The following ZNF827 variants were observed in gnomAD, a reference collection of about 807,000 sequenced individuals.
ZNF827 encodes the protein zinc finger protein 827.
In ZNF827, 13 loss-of-function variants were observed where a neutral mutation model predicts 102.4. The observed-to-expected ratio is 0.13, with a 90% CI of 0.08 to 0.20. ZNF827 has a LOEUF of 0.20. ZNF827 is among the 10% of genes least tolerant of loss of function. ZNF827 has a pLI of 1.00. For missense variants in ZNF827, 1,103 were observed against 1,344.4 expected (o/e 0.82, Z 2.81); for synonymous variants, 523 against 536.2 (o/e 0.98, Z 0.34).
chr4:145,805,237 G>C (rs1424740483), intron 8 of ZNF827, among the ~76,000 whole-genome samples: 5 of 151,778 alleles, frequency 3.3e-5, no homozygotes, highest in Non-Finnish European at 5.9e-5. Flanking sequence ...TAATGGATTT[G>C]TCTCTAAAAA....
At chr4:145,931,099 G>A (rs1753770361) in intron 1 of ZNF827, among the ~76,000 whole-genome samples, 1 of 152,050 alleles carries the variant, frequency 6.6e-6, no homozygotes, top group South Asian at 2.1e-4. Flanking sequence ...TACAGAGAGA[G>A]GACAGAAATA....
intron 8 of ZNF827, among the ~76,000 whole-genome samples, chr4:145,800,193 C>G (rs1054671127): frequency 6.6e-6 from 1 of 152,168 alleles, no homozygotes; most frequent in Non-Finnish European, 1.5e-5. Flanking sequence ...GCCACTGTTA[C>G]AATGAAATTG....
intron 4 of ZNF827, among the ~76,000 whole-genome samples, chr4:145,879,342 C>T (rs964491595): frequency 1.3e-5 from 2 of 152,190 alleles, no homozygotes; most frequent in African/African-American, 4.8e-5. Context: ...ACTGTAAGCA[C>T]ATTTGATTAA....
intron 8 of ZNF827, among the ~76,000 whole-genome samples, chr4:145,807,912 A>G (rs1031502827): frequency 1.3e-5 from 2 of 152,220 alleles, no homozygotes; most frequent in African/African-American, 4.8e-5. Context: ...TGATAAAAGT[A>G]ACAGTTGGGA....
chr4:145,843,090 A>G (rs1001169789), intron 7 of ZNF827, among the ~76,000 whole-genome samples: 2 of 152,090 alleles, frequency 1.3e-5, no homozygotes, highest in South Asian at 4.1e-4. Flanking sequence ...TGTTCCTGAT[A>G]TCAGTTAACT....
chr4:145,768,858 C>CAAA (rs1174930111), intron 11 of ZNF827, among the ~76,000 whole-genome samples: 263 of 4,540 alleles, frequency 0.058, 116 homozygotes, highest in Non-Finnish European at 0.085. Flanking sequence ...GACTCCGTCT[C>CAAA]AAAAAAAAAA....
chr4:145,893,563 T>G (rs747050437), intron 2 of ZNF827, among the ~76,000 whole-genome samples: 2 of 152,172 alleles, frequency 1.3e-5, no homozygotes, highest in Admixed American at 6.5e-5. Flanking sequence ...TTTTGTTTTC[T>G]AAAAAAGTGG....
chr4:145,772,589 G>T (rs1252269266), intron 11 of ZNF827, among the ~76,000 whole-genome samples: 1 of 152,144 alleles, frequency 6.6e-6, no homozygotes, highest in African/African-American at 2.4e-5. Context: ...CTACTTTCAA[G>T]TTTCAACAGC....
intron 8 of ZNF827, among the ~76,000 whole-genome samples, chr4:145,795,328 A>G (rs763183149): frequency 3.4e-4 from 52 of 152,182 alleles, no homozygotes; most frequent in Non-Finnish European, 6.0e-4. Context: ...TTGTATTTTT[A>G]GTAGAGATGG....
At chr4:145,802,085 G>C (rs748104081) in intron 8 of ZNF827, among the ~76,000 whole-genome samples, 55 of 152,186 alleles carry the variant, frequency 3.6e-4, no homozygotes, top group Non-Finnish European at 6.3e-4. Flanking sequence ...CTGTATCTGT[G>C]AAAGTACATA....
chr4:145,863,786 T>C (rs1445911221), intron 5 of ZNF827, among the ~76,000 whole-genome samples: 2 of 152,162 alleles, frequency 1.3e-5, no homozygotes, highest in African/African-American at 2.4e-5. Context: ...TTGGGAGCAA[T>C]GAAAATTTTC....
In ZNF827 at chr4:145,768,916, T is replaced by TATATAAAA. The variant is rs34051922; in HGVS notation, c.2861-3179_2861-3178insTTTTATAT. On this transcript the variant is annotated intron_variant, in intron 11 of 14. Coordinates refer to ENST00000508784, the MANE Select transcript of ZNF827 (RefSeq NM_001306215.2). ...ATATATATATATATATATATATATA[T>TATATAAAA]TAGGTATACAAAGTTTGGAAATAGA... 3.0e-3 allele frequency among the ~76,000 whole-genome samples: 104 copies of TATATAAAA among 34,414 alleles called. 17 individuals are homozygous for TATATAAAA. Among genetic ancestry groups the TATATAAAA allele is most frequent in the African/African-American group, 3.5e-3 (34 of 9,640 alleles). The allele number at this position is 34,414 out of a possible 152,430, so 22.6% of individuals were successfully genotyped here.
chr4:145,877,705 A>G (rs1483051725), intron 4 of ZNF827, among the ~76,000 whole-genome samples: 2 of 152,216 alleles, frequency 1.3e-5, no homozygotes, highest in Non-Finnish European at 2.9e-5. Flanking sequence ...ACAAAAAGTG[A>G]GCAGTGCCTC....
Position 145,845,980 on chromosome 4 carries a change from T to C in ZNF827, c.2255A>G (p.Glu752Gly), listed in dbSNP as rs1745892387. The change falls in exon 7 of 15, where the codon GAA becomes GGA. Residue 752 changes from glutamate to glycine, a missense_variant. Glu to Gly is a moderately conservative substitution (Grantham distance 98). Around this residue, in one of 5 missense-constraint regions of ZNF827, gnomAD observed 243 missense variants for 251.6 expected, o/e 0.97. Coordinates refer to ENST00000508784, the MANE Select transcript of ZNF827 (RefSeq NM_001306215.2). ...CCTGGTCGTGGTCCGGATGGTGTTTTCTTTTGTATGATTGTGCTCTTTGCT... is the reference window on the plus strand; with the variant it reads ...CCTGGTCGTGGTCCGGATGGTGTTTCCTTTTGTATGATTGTGCTCTTTGCT... ...KVSKEHNHTKENTIRTTTSPF... is the reference protein window; with the variant it reads ...KVSKEHNHTKGNTIRTTTSPF... The C allele has an allele frequency of 6.2e-7, 1 of 1,614,114 alleles. No individual in the cohort carries two copies. Among genetic ancestry groups the C allele is most frequent in the South Asian group, 1.1e-5 (1 of 91,090 alleles).
intron 11 of ZNF827, among the ~76,000 whole-genome samples, chr4:145,767,731 A>C (rs1029256593): frequency 6.6e-6 from 1 of 152,244 alleles, no homozygotes; most frequent in Non-Finnish European, 1.5e-5. Flanking sequence ...ACTGAAAGAT[A>C]CACTGTCAAC....
chr4:145,774,289 C>G (rs546114325), intron 11 of ZNF827, among the ~76,000 whole-genome samples: 1 of 152,256 alleles, frequency 6.6e-6, no homozygotes, highest in East Asian at 1.9e-4. Context: ...CACATCTGAA[C>G]TTGGGAGTCT....
At chr4:145,888,677 C>G (rs571795442) in intron 3 of ZNF827, among the ~76,000 whole-genome samples, 3 of 152,246 alleles carry the variant, frequency 2.0e-5, no homozygotes, top group Non-Finnish European at 4.4e-5. Context: ...AGTACCCTGA[C>G]TCTCGGTCAG....
In ZNF827 at chr4:145,760,847, T is replaced by G. The variant is rs1734380165; in HGVS notation, c.*769A>C. The G allele has an allele frequency of 5.1e-5, 62 of 1,208,144 alleles. No individual in the cohort carries two copies. Among genetic ancestry groups the G allele is most frequent in the Non-Finnish European group, 6.3e-5 (60 of 950,246 alleles). 74.8% of individuals were successfully genotyped at this position (1,208,144 alleles called of 1,614,324 possible). The stretch of plus-strand genomic sequence containing the variant: ...AAGGAGTGTTTGGGTGAGGGGATGC[T>G]GGGAGGCGCAGTCTGAGGTCGGGGA... On this transcript the variant is annotated 3_prime_UTR_variant, in exon 15 of 15. Coordinates refer to ENST00000508784, the MANE Select transcript of ZNF827 (RefSeq NM_001306215.2).
At chr4:145,886,446 G>T (rs774072071) in intron 3 of ZNF827, among the ~76,000 whole-genome samples, 1 of 152,154 alleles carries the variant, frequency 6.6e-6, no homozygotes, top group Non-Finnish European at 1.5e-5. Flanking sequence ...TCTGATCTCA[G>T]TTGATGTCTT....
Sources: gnomAD v4.1 joint callset for allele counts (sites outside exome capture counted in the v4.1 genomes callset) on GRCh38, gnomAD v4.1.1 for gene constraint, gnomAD v4.1.1 regional missense constraint, MANE v1.5 for transcripts, NCBI Gene and HGNC (gene_info 2026-07-23, HGNC 2026-07-21) for gene names.